The following PTPA variants were observed in gnomAD, a reference collection of about 807,000 sequenced individuals.
PTPA encodes the protein protein phosphatase 2 phosphatase activator.
A neutral mutation model predicts 43.6 loss-of-function variants in PTPA; 13 were observed. The observed-to-expected ratio is 0.30, with a 90% CI of 0.19 to 0.47. The LOEUF (loss-of-function observed/expected upper bound fraction) is 0.47. PTPA is among the 20% of genes least tolerant of loss of function. PTPA has a pLI of 0.99. For missense variants in PTPA, 329 were observed against 411.9 expected (o/e 0.80, Z 1.74); for synonymous variants, 172 against 158.2 (o/e 1.09, Z -0.66).
chr9:129,129,530 C>T (rs1011362268), intron 4 of PTPA, among the ~76,000 whole-genome samples: 7 of 150,990 alleles, frequency 4.6e-5, no homozygotes, highest in Non-Finnish European at 7.4e-5. Context: ...AGTGCAGTGG[C>T]GCAGTCTTGG....
At chr9:129,119,350 C>T (rs979602533) in intron 1 of PTPA, among the ~76,000 whole-genome samples, 2 of 151,520 alleles carry the variant, frequency 1.3e-5, no homozygotes, top group Admixed American at 6.6e-5. Context: ...ATATAATTTA[C>T]GTGTCCGTGC....
At chr9:129,118,770 C>T (rs1462855843) in intron 1 of PTPA, among the ~76,000 whole-genome samples, 1 of 151,124 alleles carries the variant, frequency 6.6e-6, no homozygotes, top group Non-Finnish European at 1.5e-5. Flanking sequence ...CCACCTGGGG[C>T]TCCCAAAGTG....
In PTPA at chr9:129,134,296, C is replaced by CTTTTTTTT. The variant is rs68089837; in HGVS notation, c.461-478_461-471dup. ...GAGTGGAATTATAGTACTGGTAGTTCTTTTTTTTTTTTTTTTTTTTTTTTT... is the reference window on the plus strand; with the variant it reads ...GAGTGGAATTATAGTACTGGTAGTTCTTTTTTTTTTTTTTTTTTTTTTTTTTTTTTTTT... On this transcript the variant is annotated intron_variant, in intron 5 of 9. Coordinates refer to ENST00000393370, the MANE Select transcript of PTPA (RefSeq NM_178000.3). 2.5e-4 allele frequency among the ~76,000 whole-genome samples: 14 copies of CTTTTTTTT among 56,904 alleles called. 3 individuals carry two copies. Among genetic ancestry groups the CTTTTTTTT allele is most frequent in the African/African-American group, 1.0e-3 (13 of 12,788 alleles). 37.3% of individuals were successfully genotyped at this position (56,904 alleles called of 152,430 possible).
intron 8 of PTPA, chr9:129,137,900 A>G: frequency 1.7e-6 from 1 of 604,866 alleles, no homozygotes; most frequent in Non-Finnish European, 3.1e-6. Flanking sequence ...GTTCTCCTTC[A>G]GTTTCTCCTG....
At position 129,138,120 on chromosome 9, in the gene PTPA, G is replaced by A. The variant is rs562193684; in HGVS notation, c.786+428G>A. The A allele has an allele frequency of 6.5e-5, 16 of 247,626 alleles. No homozygotes were observed. The East Asian group carries it at 1.1e-3, about 16-fold the overall frequency. 15.3% of individuals were successfully genotyped at this position (247,626 alleles called of 1,614,324 possible). On this transcript the variant is annotated intron_variant, in intron 8 of 9. Coordinates refer to ENST00000393370, the MANE Select transcript of PTPA (RefSeq NM_178000.3). ...AGAGGAGATGGAGCGAACTTCTGGT[G>A]CAGACAGCTTTTCTGTCGAAGGGAC...
intron 3 of PTPA, 109 bp from the exon 4 acceptor site, chr9:129,128,876 A>T: frequency 7.2e-7 from 1 of 1,383,294 alleles, no homozygotes; most frequent in Non-Finnish European, 1.0e-6. Context: ...GAGAGTTCCC[A>T]GTAGGGGCCA....
At position 129,134,296 on chromosome 9, in the gene PTPA, C is replaced by CTTTTT. The variant is rs68089837; in HGVS notation, c.461-475_461-471dup. Among the ~76,000 whole-genome samples, 37 of 56,910 alleles carry CTTTTT rather than the reference C, an allele frequency of 6.5e-4. 5 individuals carry two copies. Among genetic ancestry groups the CTTTTT allele is most frequent in the African/African-American group, 1.0e-3 (13 of 12,792 alleles). 37.3% of individuals were successfully genotyped at this position (56,910 alleles called of 152,430 possible). The stretch of plus-strand genomic sequence containing the variant: ...GAGTGGAATTATAGTACTGGTAGTT[C>CTTTTT]TTTTTTTTTTTTTTTTTTTTTTTTT... On this transcript the variant is annotated intron_variant, in intron 5 of 9. Transcript: ENST00000393370.
intron 3 of PTPA, among the ~76,000 whole-genome samples, chr9:129,123,341 G>A (rs1433061197): frequency 2.0e-5 from 3 of 151,964 alleles, no homozygotes; most frequent in South Asian, 4.2e-4. Context: ...GTGTGGTGAC[G>A]GGCGCCTGTA....
chr9:129,136,413 A>G (rs1291988597), intron 6 of PTPA, 58 bp from the exon 7 acceptor site: 12 of 1,530,852 alleles, frequency 7.8e-6, no homozygotes, highest in African/African-American at 1.4e-5. Context: ...AGTGGCCGAA[A>G]GGGTGAGACT....
chr9:129,145,416 C>G (rs1851232758), intron 9 of PTPA, among the ~76,000 whole-genome samples: 1 of 152,072 alleles, frequency 6.6e-6, no homozygotes, highest in Non-Finnish European at 1.5e-5. Flanking sequence ...AGTCCTTGGT[C>G]CCGAAGGGCC....
At position 129,134,862 on chromosome 9, in the gene PTPA, C is replaced by G; in HGVS notation, c.528C>G (p.Asp176Glu). Reference protein sequence around the residue: ...LCKIGVLRVDDQIAIVFKVFN... With the variant: ...LCKIGVLRVDEQIAIVFKVFN... The stretch of plus-strand genomic sequence containing the variant: ...AGATTGGGGTGCTCCGGGTGGATGA[C>G]CAAATAGCTATTGTCTTCAAGGTGT... The change falls in exon 6 of 10, where the codon GAC (aspartate) becomes GAG (glutamate). Residue 176 changes from aspartate (D) to glutamate (E), a missense_variant. Coordinates refer to ENST00000393370, the MANE Select transcript of PTPA (RefSeq NM_178000.3). 1 of 1,613,876 alleles carries G rather than the reference C, an allele frequency of 6.2e-7. No individual in the cohort carries two copies. The highest frequency in any genetic ancestry group is 2.2e-5 in the East Asian group (1 of 44,880).
rs913274 is a variant in PTPA at position 129,148,135 on chromosome 9, C to T, written c.*671C>T. Reference sequence around the variant, plus strand: ...CTCTTCAGTTCTCTAGCCCTTGGCTCTGCTGGGTTTCCTGACTGTAGCCAC... The same window carrying T: ...CTCTTCAGTTCTCTAGCCCTTGGCTTTGCTGGGTTTCCTGACTGTAGCCAC... On this transcript the variant is annotated 3_prime_UTR_variant, in exon 10 of 10. Coordinates refer to ENST00000393370, the MANE Select transcript of PTPA (RefSeq NM_178000.3). The T allele has an allele frequency of 0.99, 151,403 of 152,826 alleles. 75,012 individuals carry two copies. The highest frequency in any genetic ancestry group is 1 in the Non-Finnish European group (68,438 of 68,446). The allele number at this position is 152,826 out of a possible 1,614,324, so 9.5% of individuals were successfully genotyped here.
intron 1 of PTPA, 27 bp from the exon 2 acceptor site, chr9:129,120,486 T>C (rs1331304014): frequency 6.4e-7 from 1 of 1,556,012 alleles, no homozygotes. Flanking sequence ...TATTTATCTG[T>C]TTGTTTTTTC....
rs1431121391 is a variant in PTPA, at chr9:129,145,064, C to T, written c.895-2323C>T. Among the ~76,000 whole-genome samples the T allele has an allele frequency of 2.0e-5, 3 of 150,904 alleles. No homozygotes were observed. In the East Asian group the frequency reaches 5.9e-4, roughly 30 times the overall value. ...AAAAATCACTGGTTGGGTGCGGTGG[C>T]TCATGCCTATAATCCCAGCACTTTG... is the stretch of plus-strand genomic sequence containing the variant. On this transcript the variant is annotated intron_variant, in intron 9 of 9. Coordinates refer to ENST00000393370, the MANE Select transcript of PTPA (RefSeq NM_178000.3).
At chr9:129,137,987 A>T in intron 8 of PTPA, 1 of 426,542 alleles carries the variant, frequency 2.3e-6, no homozygotes, top group African/African-American at 2.0e-5. Context: ...AGCAGGTCTG[A>T]AAGGGTCGGG....
At chr9:129,141,004 C>T (rs1850770103) in intron 8 of PTPA, among the ~76,000 whole-genome samples, 4 of 151,880 alleles carry the variant, frequency 2.6e-5, no homozygotes, top group Admixed American at 1.3e-4. Flanking sequence ...TTGGGTGCCT[C>T]GGGCTCTTGC....
At chr9:129,116,228 A>T (rs1224153687) in intron 1 of PTPA, among the ~76,000 whole-genome samples, 1 of 147,322 alleles carries the variant, frequency 6.8e-6, no homozygotes, top group Non-Finnish European at 1.5e-5. Flanking sequence ...TCTGTTGCCC[A>T]GGCTGGAGTG....
chr9:129,132,003 G>A (rs1850008488), intron 5 of PTPA, among the ~76,000 whole-genome samples: 2 of 152,188 alleles, frequency 1.3e-5, no homozygotes, highest in Admixed American at 1.3e-4. Context: ...CTGAAGCTTT[G>A]AGAAATGGGA....
intron 6 of PTPA, among the ~76,000 whole-genome samples, chr9:129,135,729 G>C (rs1850324175): frequency 6.6e-6 from 1 of 152,252 alleles, no homozygotes; most frequent in African/African-American, 2.4e-5. Flanking sequence ...TGCTGCAGCA[G>C]GCCTGTGACG....
Sources: allele counts gnomAD v4.1 joint callset (sites outside exome capture counted in the v4.1 genomes callset), GRCh38; gene constraint gnomAD v4.1.1; transcripts MANE v1.5; gene names NCBI Gene and HGNC (gene_info 2026-07-23, HGNC 2026-07-21).